Variants in DHRS4L2 observed in about 807,000 individuals in gnomAD.
The protein encoded by DHRS4L2 is dehydrogenase/reductase 4 like 2.
In DHRS4L2, 22 loss-of-function variants were observed where a neutral mutation model predicts 23.9. The ratio of observed to expected loss-of-function variants is 0.92; its 90% CI spans 0.66 to 1.31. The LOEUF is 1.31. Ranked by LOEUF, DHRS4L2 falls within the 40% of genes most tolerant of loss-of-function variation. The pLI, the probability that DHRS4L2 is intolerant of heterozygous loss-of-function variation, is 0.00. For missense variants in DHRS4L2, 385 were observed against 303.3 expected (o/e 1.27, Z -2.00); for synonymous variants, 141 against 123.7 (o/e 1.14, Z -0.93).
chr14:23,977,761 AC>A (rs1410016914), intron 1 of DHRS4L2, among the ~76,000 whole-genome samples: 1 of 151,344 alleles, frequency 6.6e-6, no homozygotes, highest in Non-Finnish European at 1.5e-5. Context: ...TTAATTAATG[AC>A]CCTTGTTGTA....
chr14:23,996,808 T>C (rs1408213085), intron 3 of DHRS4L2, among the ~76,000 whole-genome samples: 1 of 151,806 alleles, frequency 6.6e-6, no homozygotes, highest in African/African-American at 2.4e-5. Flanking sequence ...GCCTGGCTAA[T>C]TTTTTGTATT....
upstream of DHRS4L2, chr14:23,988,735 G>C (rs1403022884): frequency 2.2e-6 from 3 of 1,349,580 alleles, no homozygotes; most frequent in African/African-American, 1.5e-5. Context: ...TCACCAGCCC[G>C]GGAAGGCAAG....
intron 1 of DHRS4L2, among the ~76,000 whole-genome samples, chr14:23,972,751 A>G (rs2033887175): frequency 6.6e-6 from 1 of 152,006 alleles, no homozygotes; most frequent in African/African-American, 2.4e-5. Context: ...CTCAGTTTTT[A>G]TTGATTATTA....
At chr14:23,987,403 A>T (rs2034172245), upstream of DHRS4L2, 1 of 186,362 alleles carries the variant, frequency 5.4e-6, no homozygotes, top group South Asian at 7.1e-5. Context: ...TGCTGGGATT[A>T]CAGGGTGAGC....
chr14:23,971,814 A>G (rs1336245606), intron 1 of DHRS4L2, among the ~76,000 whole-genome samples: 2 of 152,096 alleles, frequency 1.3e-5, no homozygotes, highest in South Asian at 2.1e-4. Flanking sequence ...GCCTTACAAT[A>G]AGAGCTCCTG....
At chr14:23,971,286 A>G (rs1199759031) in intron 1 of DHRS4L2, among the ~76,000 whole-genome samples, 1 of 152,090 alleles carries the variant, frequency 6.6e-6, no homozygotes, top group Non-Finnish European at 1.5e-5. Flanking sequence ...AACTAGAATG[A>G]AGAATGTAGA....
At chr14:23,983,170 T>TA (rs1344755239) in intron 1 of DHRS4L2, among the ~76,000 whole-genome samples, 1 of 151,492 alleles carries the variant, frequency 6.6e-6, no homozygotes, top group Non-Finnish European at 1.5e-5. Context: ...ACAAAGAACT[T>TA]AAACAAATTT....
chr14:23,999,302 A>C (rs1345307447), intron 3 of DHRS4L2, among the ~76,000 whole-genome samples: 2 of 146,028 alleles, frequency 1.4e-5, no homozygotes, highest in Non-Finnish European at 3.0e-5. Flanking sequence ...AATTGGAAAA[A>C]TGGCTCGAAT....
At chr14:23,996,159 G>T (rs1290824550) in intron 3 of DHRS4L2, among the ~76,000 whole-genome samples, 2 of 151,694 alleles carry the variant, frequency 1.3e-5, no homozygotes, top group African/African-American at 4.8e-5. Context: ...CATTGCCACA[G>T]GGAGGGCACC....
chr14:23,983,410 G>C (rs1384135909), intron 1 of DHRS4L2, among the ~76,000 whole-genome samples: 3 of 151,676 alleles, frequency 2.0e-5, no homozygotes, highest in Non-Finnish European at 4.4e-5. Flanking sequence ...TGGAGAAATA[G>C]GAACACTTTT....
chr14:23,972,679 G>A (rs566116107), intron 1 of DHRS4L2, among the ~76,000 whole-genome samples: 1 of 152,090 alleles, frequency 6.6e-6, no homozygotes, highest in South Asian at 2.1e-4. Flanking sequence ...AAACAACAGT[G>A]AGTCCAGGGG....
rs181562061 is a variant in DHRS4L2 at position 23,978,026 on chromosome 14, T to A, written c.-176+7694T>A. ...AGAATGCTGACTGCATTCCTTTGGA[T>A]TTGATGTTTCCAGATGGTCCATCCT... is the stretch of plus-strand genomic sequence containing the variant. On this transcript the variant is annotated intron_variant, in intron 1 of 5. Coordinates refer to the DHRS4L2 transcript ENST00000534993. 8.8e-4 allele frequency among the ~76,000 whole-genome samples: 134 copies of A among 151,816 alleles called. 1 individual carries two copies. Among genetic ancestry groups the A allele is most frequent in the African/African-American group, 3.2e-3 (131 of 41,256 alleles).
intron 2 of DHRS4L2, among the ~76,000 whole-genome samples, chr14:23,991,928 G>C (rs893568424): frequency 5.3e-5 from 8 of 151,236 alleles, no homozygotes; most frequent in African/African-American, 1.7e-4. Flanking sequence ...TAGAGACGGG[G>C]TTTCACCATG....
In DHRS4L2 at chr14:23,989,167, A is replaced by T. The variant is rs953035629; in HGVS notation, c.128+92A>T. ...TTGCCTCCAGTGCCCCTGTCCTCAG[A>T]CCTCACATACCGCCAAAGTCTGGCC... On this transcript the variant is annotated intron_variant, in intron 1 of 7. Coordinates refer to ENST00000335125, the MANE Select transcript of DHRS4L2 (RefSeq NM_198083.4). 1.6e-4 allele frequency: 241 copies of T among 1,510,552 alleles called. 3 individuals carry two copies. Among genetic ancestry groups the T allele is most frequent in the Admixed American group, 1.2e-4 (6 of 48,586 alleles). The allele number at this position is 1,510,552 out of a possible 1,614,324, so 93.6% of individuals were successfully genotyped here. A position where few individuals can be genotyped will look rare whatever the true frequency, so the allele number is the denominator to read the frequency against.
chr14:23,975,569 G>C (rs2033949955), intron 1 of DHRS4L2, among the ~76,000 whole-genome samples: 1 of 151,508 alleles, frequency 6.6e-6, no homozygotes, highest in Non-Finnish European at 1.5e-5. Context: ...TCACAGAATT[G>C]GAAAAAACTA....
rs547027413 is a variant in DHRS4L2 at position 23,970,166 on chromosome 14, C to A, written c.-342C>A. The A allele has an allele frequency of 5.4e-4, 245 of 455,688 alleles. 4 individuals are homozygous for A. The highest frequency in any genetic ancestry group is 3.6e-3 in the South Asian group (236 of 65,284). The allele number at this position is 455,688 out of a possible 1,614,324, so 28.2% of individuals were successfully genotyped here. A position where few individuals can be genotyped will look rare whatever the true frequency, so the allele number is the denominator to read the frequency against. The stretch of plus-strand genomic sequence containing the variant: ...GGGACTGCCTCGGTCTTTGGGACGC[C>A]CCGTCTGGTAGCATCCCAGATCCAG... On this transcript the variant is annotated 5_prime_UTR_variant, in exon 1 of 6. Coordinates refer to the DHRS4L2 transcript ENST00000534993.
intron 2 of DHRS4L2, among the ~76,000 whole-genome samples, chr14:23,994,797 GC>G (rs1318331838): frequency 6.6e-6 from 1 of 151,688 alleles, no homozygotes; most frequent in African/African-American, 2.4e-5. Flanking sequence ...TAAGAATGAA[GC>G]TTTTGTTGTC....
At chr14:23,980,702 A>C (rs2034035662) in intron 1 of DHRS4L2, among the ~76,000 whole-genome samples, 1 of 150,790 alleles carries the variant, frequency 6.6e-6, no homozygotes, top group South Asian at 2.1e-4. Flanking sequence ...AATGACAAAA[A>C]CCACATGATT....
intron 2 of DHRS4L2, among the ~76,000 whole-genome samples, chr14:23,994,516 T>C (rs1159875167): frequency 6.6e-6 from 1 of 151,506 alleles, no homozygotes; most frequent in Non-Finnish European, 1.5e-5. Flanking sequence ...GGCAAGACCC[T>C]GTCTCTACAA....
Sources: allele counts gnomAD v4.1 joint callset (sites outside exome capture counted in the v4.1 genomes callset), GRCh38; gene constraint gnomAD v4.1.1; transcripts MANE v1.5; gene names NCBI Gene and HGNC (gene_info 2026-07-23, HGNC 2026-07-21).